Variants in NAV3 observed in about 807,000 individuals in gnomAD.
NAV3 encodes the protein pore membrane and/or filament interacting like protein 1.
A neutral mutation model predicts 244.7 loss-of-function variants in NAV3; 87 were observed. The observed-to-expected ratio is 0.36, with a 90% CI of 0.30 to 0.42. The LOEUF is 0.42. NAV3 is among the 20% of genes least tolerant of loss of function. The pLI is 1.00. For missense variants in NAV3, 2,663 were observed against 2,893.3 expected (o/e 0.92, Z 1.83); for synonymous variants, 1,126 against 1,042.2 (o/e 1.08, Z -1.55).
intron 5 of NAV3, among the ~76,000 whole-genome samples, chr12:77,972,458 T>C (rs1299048736): frequency 1.3e-5 from 2 of 152,196 alleles, no homozygotes; most frequent in Non-Finnish European, 2.9e-5. Context: ...TCAGTATTTT[T>C]TTGATGGACT....
At chr12:77,740,410 G>T (rs1334626298) in intron 2 of NAV3, among the ~76,000 whole-genome samples, 1 of 151,818 alleles carries the variant, frequency 6.6e-6, no homozygotes, top group Non-Finnish European at 1.5e-5. Context: ...GCTTTTTCTT[G>T]GCTATTGATT....
chr12:77,795,522 G>T (rs1357293879), intron 2 of NAV3, among the ~76,000 whole-genome samples: 2 of 152,044 alleles, frequency 1.3e-5, no homozygotes, highest in East Asian at 1.9e-4. Context: ...TACAGTAAAT[G>T]AAATTTACTG....
chr12:77,828,238 A>G (rs1873221467), upstream of NAV3, among the ~76,000 whole-genome samples: 1 of 152,146 alleles, frequency 6.6e-6, no homozygotes, highest in Non-Finnish European at 1.5e-5. Flanking sequence ...TCTCTCTTAT[A>G]TGAGTGCTCT....
chr12:77,701,735 A>G lies in NAV3; in HGVS notation c.72+129469A>G, dbSNP rs1482048012. ...AGTATCCATTGTAATTTCGTCTTTG[A>G]CTCATAGGTTGTTTTAGTAGCATGT... On this transcript the variant is annotated intron_variant, in intron 2 of 8. Transcript: ENST00000550042. Among the ~76,000 whole-genome samples the G allele has an allele frequency of 2.0e-5, 3 of 151,838 alleles. No homozygotes were observed. In the East Asian group the frequency reaches 5.8e-4, roughly 29 times the overall value.
intron 2 of NAV3, among the ~76,000 whole-genome samples, chr12:77,706,089 A>G (rs2137225479): frequency 6.6e-6 from 1 of 151,414 alleles, no homozygotes; most frequent in South Asian, 2.1e-4. Context: ...TTATTAAACA[A>G]ACTCTAACTT....
chr12:77,678,505 T>C (rs1380466959), intron 2 of NAV3, among the ~76,000 whole-genome samples: 2 of 152,208 alleles, frequency 1.3e-5, no homozygotes, highest in Admixed American at 1.3e-4. Flanking sequence ...ATCTTTATAG[T>C]ATTTTCTCTT....
Position 77,863,229 on chromosome 12 carries a change from C to T in NAV3, c.243+31525C>T, listed in dbSNP as rs552006195. The stretch of plus-strand genomic sequence containing the variant: ...AACAAACAATTCTGCCATAGATATG[C>T]GGATCAGAATACATATTTGTATGAA... On this transcript the variant is annotated intron_variant, in intron 1 of 39. Transcript: ENST00000397909. Among the ~76,000 whole-genome samples, 15 of 151,872 alleles carry T rather than the reference C, an allele frequency of 9.9e-5. 1 individual carries two copies. The South Asian group carries it at 1.9e-3, about 19-fold the overall frequency.
intron 8 of NAV3, among the ~76,000 whole-genome samples, chr12:78,019,243 C>G (rs1453172527): frequency 6.6e-6 from 1 of 152,080 alleles, no homozygotes; most frequent in Admixed American, 6.6e-5. Flanking sequence ...TACACCCAAA[C>G]CCAGTATATT....
intron 2 of NAV3, among the ~76,000 whole-genome samples, chr12:77,578,398 A>G (rs151264446): frequency 3.3e-5 from 5 of 152,284 alleles, no homozygotes; most frequent in Admixed American, 1.3e-4. Context: ...GATGTGTTCA[A>G]TGAAGTGGCC....
At chr12:77,605,769 G>T (rs1402536547) in intron 2 of NAV3, among the ~76,000 whole-genome samples, 2 of 151,876 alleles carry the variant, frequency 1.3e-5, no homozygotes, top group Non-Finnish European at 2.9e-5. Flanking sequence ...GAACCCAGAG[G>T]CAGAGGTTGC....
Position 77,714,590 on chromosome 12 carries a change from G to A in NAV3, c.72+142324G>A, listed in dbSNP as rs117103136. Among the ~76,000 whole-genome samples, 1,282 of 152,254 alleles carry A rather than the reference G, an allele frequency of 8.4e-3. 6 individuals carry two copies. The highest frequency in any genetic ancestry group is 0.017 in the Middle Eastern group (5 of 294). Reference sequence around the variant, plus strand: ...TAATAGGACCTCTCGTAAAAGGCATGTGCCCATTAAATATTGAAAAATTGT... The same window carrying A: ...TAATAGGACCTCTCGTAAAAGGCATATGCCCATTAAATATTGAAAAATTGT... On this transcript the variant is annotated intron_variant, in intron 2 of 8. Transcript: ENST00000550042.
chr12:77,783,431 A>G (rs1227461633), intron 2 of NAV3: 3 of 152,118 alleles, frequency 2.0e-5, no homozygotes, highest in Non-Finnish European at 4.4e-5. Context: ...AGTGAATCCA[A>G]CAGTTAAACC....
chr12:78,066,692 C>T (rs1885057778), intron 12 of NAV3, among the ~76,000 whole-genome samples: 2 of 151,920 alleles, frequency 1.3e-5, no homozygotes, highest in South Asian at 4.2e-4. Context: ...CATATATAAT[C>T]ATGCTTTTAT....
chr12:78,118,073 ATAGT>A lies in NAV3; in HGVS notation c.2817_2820del (p.Ser940LeufsTer4). The A allele has an allele frequency of 6.2e-7, 1 of 1,614,068 alleles. No homozygotes were observed. The highest frequency in any genetic ancestry group is 8.5e-7 in the Non-Finnish European group (1 of 1,179,978). ...CGCTCCACCACAGACGAGACCTGGGATAGTCCTGAGGAACTGAAAAAACCAGAAG... is the reference window on the plus strand; with the variant it reads ...CGCTCCACCACAGACGAGACCTGGGACCTGAGGAACTGAAAAAACCAGAAG... On this transcript the variant is annotated frameshift_variant, in exon 14 of 40. Coordinates refer to ENST00000397909, the MANE Select transcript of NAV3 (RefSeq NM_001024383.2). LOFTEE classifies it high-confidence loss of function.
chr12:77,968,848 T>A, intron 5 of NAV3, 146 bp downstream of exon 5: 1 of 751,058 alleles, frequency 1.3e-6, no homozygotes, highest in Non-Finnish European at 2.1e-6. Context: ...TAATAGAAAC[T>A]AAAACCACTC....
chr12:77,856,889 C>G (rs1312037217), intron 1 of NAV3, among the ~76,000 whole-genome samples: 2 of 152,008 alleles, frequency 1.3e-5, no homozygotes, highest in African/African-American at 4.8e-5. Context: ...TTGAGTGGAT[C>G]TAAATTTTTA....
chr12:78,147,476 T>G (rs1379765757), intron 21 of NAV3, among the ~76,000 whole-genome samples: 5 of 152,064 alleles, frequency 3.3e-5, no homozygotes, highest in African/African-American at 9.6e-5. Flanking sequence ...ATAGAGACTA[T>G]TTAATTTGAG....
At chr12:77,590,951 T>G (rs1869877563) in intron 2 of NAV3, among the ~76,000 whole-genome samples, 1 of 152,196 alleles carries the variant, frequency 6.6e-6, no homozygotes, top group South Asian at 2.1e-4. Context: ...ATAAACCATG[T>G]GAAGACTCTT....
chr12:77,720,598 C>A (rs1253796238), intron 2 of NAV3, among the ~76,000 whole-genome samples: 1 of 152,096 alleles, frequency 6.6e-6, no homozygotes, highest in Non-Finnish European at 1.5e-5. Context: ...ATAACCAGAC[C>A]CTTGGGCAGC....
Sources: gnomAD v4.1 joint callset for allele counts (sites outside exome capture counted in the v4.1 genomes callset) on GRCh38, gnomAD v4.1.1 for gene constraint, MANE v1.5 for transcripts, NCBI Gene and HGNC (gene_info 2026-07-23, HGNC 2026-07-21) for gene names.